Variants in ANO3 observed in about 807,000 individuals in gnomAD.
ANO3 encodes anoctamin 3.
Under a neutral mutation model 144.8 loss-of-function variants are expected in ANO3, and 99 were observed. The ratio of observed to expected loss-of-function variants is 0.68; its 90% confidence interval spans 0.58 to 0.81. The LOEUF (loss-of-function observed/expected upper bound fraction) is 0.81. Among genes scored for constraint, ANO3 ranks in the 30% least tolerant of loss-of-function variants. The pLI is 0.00. For synonymous variants in ANO3, 414 were observed against 392.6 expected, an observed-to-expected ratio of 1.05 and a Z score of -0.64; for missense variants, 905 against 1,202.2, an observed-to-expected ratio of 0.75 and a Z score of 3.66.
chr11:26,654,024 A>G (rs976173863), intron 24 of ANO3, among the ~76,000 whole-genome samples: 1 of 152,098 alleles, frequency 6.6e-6, no homozygotes, highest in Non-Finnish European at 1.5e-5. Context: ...TCATTGGTCT[A>G]TTGCCTTTCC....
intron 4 of ANO3, among the ~76,000 whole-genome samples, chr11:26,502,716 G>A (rs1861246500): frequency 6.6e-6 from 1 of 151,984 alleles, no homozygotes; most frequent in African/African-American, 2.4e-5. Flanking sequence ...GTAATGCAAT[G>A]TTTACATGCC....
At chr11:26,439,467 G>A (rs1192671313) in intron 1 of ANO3, among the ~76,000 whole-genome samples, 1 of 152,190 alleles carries the variant, frequency 6.6e-6, no homozygotes, top group African/African-American at 2.4e-5. Flanking sequence ...AGCTGAAGAG[G>A]AAATGGGGAT....
chr11:26,212,014 C>T (rs1851943270), intron 1 of ANO3, among the ~76,000 whole-genome samples: 3 of 151,942 alleles, frequency 2.0e-5, no homozygotes, highest in African/African-American at 4.8e-5. Flanking sequence ...ACAATGAGAA[C>T]ACATAGACAC....
chr11:26,407,612 A>G (rs1857322742), intron 1 of ANO3, among the ~76,000 whole-genome samples: 1 of 151,782 alleles, frequency 6.6e-6, no homozygotes, highest in African/African-American at 2.4e-5. Flanking sequence ...TCTTGTCATG[A>G]TTTTACTCAT....
chr11:26,616,921 C>T (rs531815622), intron 17 of ANO3, among the ~76,000 whole-genome samples: 132 of 152,128 alleles, frequency 8.7e-4, no homozygotes, highest in Non-Finnish European at 1.7e-3. Context: ...TACAGGCGCA[C>T]GCCATCATGC....
chr11:26,573,497 T>C (rs775135495), intron 14 of ANO3, among the ~76,000 whole-genome samples: 2 of 152,296 alleles, frequency 1.3e-5, no homozygotes, highest in East Asian at 3.9e-4. Context: ...TTTCTGTTTG[T>C]AGTTAGAGAA....
chr11:26,377,388 C>G (rs1590307934), intron 1 of ANO3, among the ~76,000 whole-genome samples: 1 of 152,002 alleles, frequency 6.6e-6, no homozygotes, highest in Non-Finnish European at 1.5e-5. Context: ...AAAGGAACCA[C>G]ATGAGCATAT....
chr11:26,499,822 T>C (rs1414605754), intron 4 of ANO3, among the ~76,000 whole-genome samples: 1 of 151,924 alleles, frequency 6.6e-6, no homozygotes, highest in Non-Finnish European at 1.5e-5. Context: ...TTACATGCTA[T>C]ACAATTAATC....
chr11:26,556,719 G>A (rs1177756963), intron 13 of ANO3, among the ~76,000 whole-genome samples: 1 of 146,326 alleles, frequency 6.8e-6, no homozygotes, highest in Non-Finnish European at 1.5e-5. Context: ...AAATAAAATG[G>A]TTATTCAGGT....
chr11:26,475,191 G>GT (rs896239145), intron 4 of ANO3, among the ~76,000 whole-genome samples: 3 of 151,644 alleles, frequency 2.0e-5, no homozygotes, highest in East Asian at 2.0e-4. Flanking sequence ...TTCCTTCTTA[G>GT]TTTTTTTTAT....
At chr11:26,332,434 T>A in intron 1 of ANO3, 113 bp downstream of exon 1, 3 of 910,290 alleles carry the variant, frequency 3.3e-6, no homozygotes, top group Non-Finnish European at 5.1e-6. Context: ...GGTGGGGAAC[T>A]CTGTGAAGTT....
intron 18 of ANO3, among the ~76,000 whole-genome samples, chr11:26,628,526 AT>A (rs1186874115): frequency 2.6e-5 from 4 of 152,228 alleles, no homozygotes; most frequent in Non-Finnish European, 5.9e-5. Flanking sequence ...TTAAAAACCA[AT>A]TCAAAATGAT....
intron 1 of ANO3, among the ~76,000 whole-genome samples, chr11:26,271,979 T>G (rs1207109431): frequency 6.6e-6 from 1 of 152,166 alleles, no homozygotes; most frequent in African/African-American, 2.4e-5. Context: ...ATTTATATCT[T>G]TTAATCCTTA....
intron 1 of ANO3, among the ~76,000 whole-genome samples, chr11:26,272,354 T>C (rs998690182): frequency 3.3e-5 from 5 of 152,124 alleles, no homozygotes; most frequent in Non-Finnish European, 7.4e-5. Flanking sequence ...ATAAGGACCA[T>C]TGTTTTAATA....
intron 3 of ANO3, among the ~76,000 whole-genome samples, chr11:26,451,562 T>C (rs1858941325): frequency 1.3e-5 from 2 of 152,288 alleles, no homozygotes; most frequent in Non-Finnish European, 2.9e-5. Context: ...CAGGCTTGCT[T>C]AGGTAAACAA....
chr11:26,281,298 CTGAA>C (rs1051037772), intron 1 of ANO3, among the ~76,000 whole-genome samples: 3 of 152,062 alleles, frequency 2.0e-5, no homozygotes, highest in South Asian at 2.1e-4. Flanking sequence ...AAATGAATGA[CTGAA>C]TGAATGAAGA....
intron 7 of ANO3, 31 bp downstream of exon 7, chr11:26,525,710 C>A: frequency 6.4e-7 from 1 of 1,573,078 alleles, no homozygotes. Context: ...TTCTTTATAA[C>A]AAATTTGTCG....
intron 1 of ANO3, among the ~76,000 whole-genome samples, chr11:26,317,891 A>T (rs1283505217): frequency 6.6e-6 from 1 of 152,226 alleles, no homozygotes; most frequent in Non-Finnish European, 1.5e-5. Context: ...GCATAAAGAA[A>T]ATGTGGCAGA....
chr11:26,579,439 TGAA>T (rs2132853167), intron 14 of ANO3, among the ~76,000 whole-genome samples: 1 of 152,266 alleles, frequency 6.6e-6, no homozygotes, highest in African/African-American at 2.4e-5. Context: ...ATTCATGACC[TGAA>T]GAAGATTTTG....
Sources: gnomAD v4.1 joint callset for allele counts (sites outside exome capture counted in the v4.1 genomes callset) on GRCh38, gnomAD v4.1.1 for gene constraint, MANE v1.5 for transcripts, NCBI Gene and HGNC (gene_info 2026-07-23, HGNC 2026-07-21) for gene names.